The following NRXN1 variants were observed in gnomAD, a reference collection of about 807,000 sequenced individuals.
The protein encoded by NRXN1 is neurexin 1, also known as neurexin-1.
NRXN1 carries 39 observed loss-of-function variants against 150.9 expected under a neutral mutation model. The observed-to-expected ratio is 0.26, with a 90% confidence interval of 0.20 to 0.34. The LOEUF is 0.34. Among genes scored for constraint, NRXN1 ranks in the 10% least tolerant of loss-of-function variants. NRXN1 has a pLI of 1.00. For synonymous variants in NRXN1, 924 were observed against 757.0 expected, an observed-to-expected ratio of 1.22 and a Z score of -3.62; for missense variants, 1,815 against 1,949.9, an observed-to-expected ratio of 0.93 and a Z score of 1.30.
At chr2:49,978,787 CAT>C (rs1402790148) in intron 21 of NRXN1, among the ~76,000 whole-genome samples, 1 of 150,178 alleles carries the variant, frequency 6.7e-6, no homozygotes, top group Admixed American at 6.6e-5. Context: ...GAGAAAACTA[CAT>C]GTCACAATTC....
chr2:50,782,726 C>T (rs1349138199), intron 5 of NRXN1, among the ~76,000 whole-genome samples: 2 of 152,148 alleles, frequency 1.3e-5, no homozygotes, highest in Non-Finnish European at 2.9e-5. Flanking sequence ...GCATGGCATT[C>T]CTCTCCAGAA....
rs182226756 is a variant in NRXN1, at chr2:50,879,076, T to C, written c.832+42793A>G. On this transcript the variant is annotated intron_variant, in intron 5 of 22. Coordinates refer to ENST00000401669, the MANE Select transcript of NRXN1 (RefSeq NM_001330078.2). ...AGATGTAACTGGCATCTAAATCAGT[T>C]GACTTTAAGTAGAGCAGATGACCCT... 1.7e-3 allele frequency among the ~76,000 whole-genome samples: 253 copies of C among 152,042 alleles called. 5 individuals are homozygous for C. The highest frequency in any genetic ancestry group is 7.4e-4 in the Non-Finnish European group (50 of 67,926).
intron 15 of NRXN1, among the ~76,000 whole-genome samples, chr2:50,479,974 G>A (rs553681938): frequency 1.3e-4 from 19 of 151,828 alleles, no homozygotes; most frequent in African/African-American, 3.1e-4. Flanking sequence ...GGGTTTCACC[G>A]CGTTGGCCAG....
chr2:50,654,440 T>A (rs550462638), intron 5 of NRXN1, among the ~76,000 whole-genome samples: 1 of 152,138 alleles, frequency 6.6e-6, no homozygotes, highest in African/African-American at 2.4e-5. Flanking sequence ...TGTTGGACAT[T>A]TGGCTTGGTT....
intron 8 of NRXN1, among the ~76,000 whole-genome samples, chr2:50,591,785 A>G (rs913592285): frequency 6.6e-5 from 10 of 152,194 alleles, no homozygotes; most frequent in Non-Finnish European, 1.3e-4. Flanking sequence ...CGAGCAGGGA[A>G]ATGCGCCCCA....
chr2:50,041,686 T>G (rs762475477), intron 21 of NRXN1, among the ~76,000 whole-genome samples: 1 of 152,222 alleles, frequency 6.6e-6, no homozygotes, highest in South Asian at 2.1e-4. Context: ...TGATTTCCTG[T>G]AGAGAATTTA....
intron 18 of NRXN1, among the ~76,000 whole-genome samples, chr2:50,235,957 T>C (rs1213085077): frequency 2.0e-5 from 3 of 152,058 alleles, no homozygotes; most frequent in African/African-American, 7.2e-5. Context: ...AATATTCATA[T>C]CTCTTAATAA....
chr2:50,482,766 G>A (rs1045481379), intron 15 of NRXN1, among the ~76,000 whole-genome samples: 2 of 152,090 alleles, frequency 1.3e-5, no homozygotes, highest in Non-Finnish European at 1.5e-5. Flanking sequence ...ATAAGATACA[G>A]GTCACAAAGA....
At chr2:50,499,010 A>G (rs1256195312) in intron 13 of NRXN1, among the ~76,000 whole-genome samples, 1 of 152,236 alleles carries the variant, frequency 6.6e-6, no homozygotes, top group Non-Finnish European at 1.5e-5. Context: ...AGGGGTAATG[A>G]AGACTGAACA....
Position 50,347,313 on chromosome 2 carries a change from G to C in NRXN1, c.3365-110343C>G. ...GGGCGAGAGTGCGTGCCGGCGGGTG[G>C]GGGGCCGAGAAATTGTTTAAAGCTC... On this transcript the variant is annotated intron_variant, in intron 17 of 22. Coordinates refer to ENST00000401669, the MANE Select transcript of NRXN1 (RefSeq NM_001330078.2). This position sits in a 1 kb window ranked among gnomAD's most constrained non-coding sequence, Gnocchi z 4.9. 7.9e-7 allele frequency: 1 copy of C among 1,261,342 alleles called. No individual in the cohort carries two copies. Among genetic ancestry groups the C allele is most frequent in the East Asian group, 5.9e-5 (1 of 17,092 alleles). 78.1% of individuals were successfully genotyped at this position (1,261,342 alleles called of 1,614,324 possible). A position where few individuals can be genotyped will look rare whatever the true frequency, so the allele number is the denominator to read the frequency against.
intron 8 of NRXN1, among the ~76,000 whole-genome samples, chr2:50,609,698 A>C (rs931078787): frequency 7.2e-5 from 11 of 152,124 alleles, no homozygotes; most frequent in Admixed American, 6.6e-5. Flanking sequence ...ATCTATAAAA[A>C]GTTATTGTTA....
intron 5 of NRXN1, among the ~76,000 whole-genome samples, chr2:50,881,708 TA>T (rs1559387985): frequency 1.3e-5 from 2 of 151,870 alleles, no homozygotes; most frequent in Non-Finnish European, 1.5e-5. Context: ...TCTATGTGCT[TA>T]TCAATAGATT....
chr2:49,923,317 T>G (rs1230439818), intron 22 of NRXN1, among the ~76,000 whole-genome samples: 1 of 152,182 alleles, frequency 6.6e-6, no homozygotes, highest in African/African-American at 2.4e-5. Context: ...AGGTCATTTT[T>G]TCCTTGTGAA....
rs77870331 is a variant in NRXN1 at position 50,243,997 on chromosome 2, G to A, written c.3365-7027C>T. ...AATATAATTTCAATAGTAATTATGC[G>A]CTTCAATAAAAAATGAATTTACCTC... On this transcript the variant is annotated intron_variant, in intron 17 of 22. Coordinates refer to ENST00000401669, the MANE Select transcript of NRXN1 (RefSeq NM_001330078.2). 9.3e-3 allele frequency among the ~76,000 whole-genome samples: 1,415 copies of A among 151,826 alleles called. 13 individuals are homozygous for A. The highest frequency in any genetic ancestry group is 0.033 in the African/African-American group (1,349 of 41,474).
At chr2:50,447,640 C>G (rs2086549693) in intron 17 of NRXN1, among the ~76,000 whole-genome samples, 1 of 145,070 alleles carries the variant, frequency 6.9e-6, no homozygotes, top group African/African-American at 2.6e-5. Flanking sequence ...AGAAATCTCA[C>G]TTGGTTTCTA....
intron 18 of NRXN1, among the ~76,000 whole-genome samples, chr2:50,188,904 C>G (rs1017021011): frequency 6.6e-6 from 1 of 152,006 alleles, no homozygotes; most frequent in Non-Finnish European, 1.5e-5. Flanking sequence ...TAGGATCGCT[C>G]TTAAACTGTT....
intron 21 of NRXN1, among the ~76,000 whole-genome samples, chr2:49,987,667 T>A (rs756158485): frequency 2.0e-5 from 3 of 152,060 alleles, no homozygotes; most frequent in Non-Finnish European, 2.9e-5. Flanking sequence ...AGTATTTTTA[T>A]AGTTTGTCAA....
Position 50,198,602 on chromosome 2 carries a change from GTGTT to G in NRXN1, c.3546+38183_3546+38186del, listed in dbSNP as rs534941450. 1.6e-4 allele frequency among the ~76,000 whole-genome samples: 25 copies of G among 152,082 alleles called. No individual in the cohort carries two copies. In the East Asian group the frequency reaches 4.6e-3, roughly 28 times the overall value. On this transcript the variant is annotated intron_variant, in intron 18 of 22. Coordinates refer to ENST00000401669, the MANE Select transcript of NRXN1 (RefSeq NM_001330078.2). ...AAATACAATACAAATTGTTTTTTAA[GTGTT>G]TGTTTTGCTTTCCAGCTTCAAGCAG...
At chr2:50,557,580 CA>C (rs1314451592) in intron 8 of NRXN1, among the ~76,000 whole-genome samples, 2 of 152,156 alleles carry the variant, frequency 1.3e-5, no homozygotes, top group South Asian at 2.1e-4. Flanking sequence ...TGCCAAGTCT[CA>C]AGAGTTTTAT....
Sources: gnomAD v4.1 joint callset for allele counts (sites outside exome capture counted in the v4.1 genomes callset) on GRCh38, gnomAD v4.1.1 for gene constraint, Gnocchi (gnomAD v3.1) non-coding constraint, MANE v1.5 for transcripts, NCBI Gene and HGNC (gene_info 2026-07-23, HGNC 2026-07-21) for gene names.